Variants in ARAP1 observed in about 807,000 individuals in gnomAD.
The protein encoded by ARAP1 is ArfGAP with RhoGAP domain, ankyrin repeat and PH domain 1.
In ARAP1, 76 loss-of-function variants were observed where a neutral mutation model predicts 172.2. The observed-to-expected ratio is 0.44, with a 90% CI of 0.37 to 0.53. The LOEUF is 0.53. ARAP1 is among the 20% of genes least tolerant of loss of function. The pLI is 0.00. For missense variants in ARAP1, 1,686 were observed against 1,977.5 expected, an observed-to-expected ratio of 0.85 and a Z score of 2.80; for synonymous variants, 804 against 803.3, an observed-to-expected ratio of 1.00 and a Z score of -0.01.
chr11:72,729,582 T>C (rs550801139), intron 2 of ARAP1, among the ~76,000 whole-genome samples: 1 of 146,966 alleles, frequency 6.8e-6, no homozygotes, highest in East Asian at 2.0e-4. Context: ...GAGACTCCAC[T>C]TCAGAAAAAA....
intron 7 of ARAP1, among the ~76,000 whole-genome samples, 162 bp downstream of exon 7, chr11:72,712,034 G>A (rs1857036632): frequency 6.6e-6 from 1 of 152,160 alleles, no homozygotes. Context: ...GGTCTGGAGG[G>A]AATCATCAGT....
At position 72,693,572 on chromosome 11, in the gene ARAP1, A is replaced by G; in HGVS notation, c.3809-102T>C. The G allele has an allele frequency of 6.5e-7, 1 of 1,544,782 alleles. No homozygotes were observed. The highest frequency in any genetic ancestry group is 8.8e-7 in the Non-Finnish European group (1 of 1,141,864). ...CCCCATCCTGCCCCAGCCTCTCCATAGAGGCCCACCCACTTGGCGCCCTCT... is the reference window on the plus strand; with the variant it reads ...CCCCATCCTGCCCCAGCCTCTCCATGGAGGCCCACCCACTTGGCGCCCTCT... On this transcript the variant is annotated intron_variant, in intron 28 of 34. Transcript: ENST00000393609. This position sits in a 1 kb window ranked among gnomAD's most constrained non-coding sequence, Gnocchi z 4.6.
rs952199639 is a variant in ARAP1, at chr11:72,725,342, C to G, written c.509+1278G>C. Among the ~76,000 whole-genome samples, 1 of 150,890 alleles carries G rather than the reference C, an allele frequency of 6.6e-6. No homozygotes were observed. The highest frequency in any genetic ancestry group is 2.4e-5 in the African/African-American group (1 of 41,300). On this transcript the variant is annotated intron_variant, in intron 3 of 34. Transcript: ENST00000393609. The surrounding 1 kb of genome is among the most constrained non-coding windows in gnomAD (Gnocchi z 4.3). ...TCTTTTTCTCTCTCTCTCTCCCCCC[C>G]ACAAGCTGATGGGGTTGAAATAGAA...
At chr11:72,738,633 G>C (rs368939874) in intron 1 of ARAP1, among the ~76,000 whole-genome samples, 35 of 152,134 alleles carry the variant, frequency 2.3e-4, no homozygotes, top group Middle Eastern at 6.8e-3. Flanking sequence ...AGGCAGGCAG[G>C]GCAGCGACCC....
chr11:72,750,761 G>A (rs1448966238), intron 1 of ARAP1, among the ~76,000 whole-genome samples: 1 of 148,322 alleles, frequency 6.7e-6, no homozygotes, highest in African/African-American at 2.4e-5. Flanking sequence ...CGGGGCCCCA[G>A]GTCCCATGAT....
chr11:72,739,688 A>G (rs1858143933), intron 1 of ARAP1, among the ~76,000 whole-genome samples: 1 of 152,178 alleles, frequency 6.6e-6, no homozygotes, highest in Non-Finnish European at 1.5e-5. Context: ...ACGCCACCGC[A>G]TGTGTACTGG....
intron 2 of ARAP1, among the ~76,000 whole-genome samples, chr11:72,731,058 T>C (rs1260696648): frequency 6.6e-6 from 1 of 152,174 alleles, no homozygotes; most frequent in Non-Finnish European, 1.5e-5. Flanking sequence ...AGTGTGCAGC[T>C]ACTGGTAAAT....
Position 72,701,640 on chromosome 11 carries a change from G to A in ARAP1, c.2302+9C>T. 6.2e-7 allele frequency: 1 copy of A among 1,611,410 alleles called. No individual in the cohort carries two copies. The highest frequency in any genetic ancestry group is 8.5e-7 in the Non-Finnish European group (1 of 1,178,956). On this transcript the variant is annotated intron_variant, in intron 16 of 34. Transcript: ENST00000393609. ...CATGGGCTAAAGCAGAGTCTGGGGT[G>A]GCACCCACCTTCCCGGGCCCGGCGG...
chr11:72,740,813 C>T (rs566623540), intron 1 of ARAP1, among the ~76,000 whole-genome samples: 20 of 152,252 alleles, frequency 1.3e-4, no homozygotes, highest in Middle Eastern at 3.4e-3. Flanking sequence ...AAACTCGAGA[C>T]GCCAGGGTCC....
chr11:72,750,692 G>A (rs1858507819), intron 1 of ARAP1, among the ~76,000 whole-genome samples: 1 of 152,218 alleles, frequency 6.6e-6, no homozygotes, highest in Non-Finnish European at 1.5e-5. Context: ...GGAAATGGAG[G>A]CTCTGAGGAA....
intron 30 of ARAP1, among the ~76,000 whole-genome samples, chr11:72,689,703 C>T (rs186442154): frequency 3.9e-5 from 6 of 152,308 alleles, no homozygotes; most frequent in East Asian, 1.9e-4. Context: ...GCTTTTACCC[C>T]GATACCTGCT....
At chr11:72,702,124 C>T (rs1856515091) in intron 15 of ARAP1, among the ~76,000 whole-genome samples, 1 of 152,228 alleles carries the variant, frequency 6.6e-6, no homozygotes, top group Non-Finnish European at 1.5e-5. Flanking sequence ...AATAATAATC[C>T]CTGGAAAGAG....
chr11:72,715,670 A>T (rs983067037), intron 3 of ARAP1, among the ~76,000 whole-genome samples: 11 of 151,214 alleles, frequency 7.3e-5, no homozygotes, highest in African/African-American at 2.7e-4. Flanking sequence ...TCCCGAGTTC[A>T]AGTGATCCTC....
In ARAP1 at chr11:72,695,332, G is replaced by A; in HGVS notation, c.3576+55C>T. 5.0e-6 allele frequency: 8 copies of A among 1,610,088 alleles called. No individual in the cohort carries two copies. Among genetic ancestry groups the A allele is most frequent in the Non-Finnish European group, 6.8e-6 (8 of 1,176,854 alleles). ...ACTGCTCCCCTGGCCATCTGAGCCT[G>A]TACCTGGCCCAGCCTGATTCTCTAG... On this transcript the variant is annotated intron_variant, in intron 26 of 34. Coordinates refer to ENST00000393609, the MANE Select transcript of ARAP1 (RefSeq NM_001040118.3). This position sits in a 1 kb window ranked among gnomAD's most constrained non-coding sequence, Gnocchi z 4.4.
In ARAP1 at chr11:72,725,116, C is replaced by T. The variant is rs971455592; in HGVS notation, c.509+1504G>A. 3.3e-5 allele frequency among the ~76,000 whole-genome samples: 5 copies of T among 152,134 alleles called. No homozygotes were observed. Among genetic ancestry groups the T allele is most frequent in the African/African-American group, 9.7e-5 (4 of 41,404 alleles). Reference sequence around the variant, plus strand: ...TCAGAGTCACAAAGCTAGCTGGGCCCGACCCAGGCATCCTGCCTCCCAAGC... The same window carrying T: ...TCAGAGTCACAAAGCTAGCTGGGCCTGACCCAGGCATCCTGCCTCCCAAGC... On this transcript the variant is annotated intron_variant, in intron 3 of 34. Coordinates refer to ENST00000393609, the MANE Select transcript of ARAP1 (RefSeq NM_001040118.3). This position sits in a 1 kb window ranked among gnomAD's most constrained non-coding sequence, Gnocchi z 4.3.
rs1855624498 is a variant in ARAP1 at position 72,685,275 on chromosome 11, C to G, written c.*389G>C. 2 of 267,226 alleles carry G rather than the reference C, an allele frequency of 7.5e-6. No homozygotes were observed. The highest frequency in any genetic ancestry group is 9.2e-5 in the South Asian group (2 of 21,794). The allele number at this position is 267,226 out of a possible 1,614,324, so 16.6% of individuals were successfully genotyped here. On this transcript the variant is annotated 3_prime_UTR_variant, in exon 35 of 35. Coordinates refer to ENST00000393609, the MANE Select transcript of ARAP1 (RefSeq NM_001040118.3). ...TCTACAGCACCCGCTTTCTGCTGTT[C>G]TGGAGTTTGTTGGGAGGAGCAGGGG...
At chr11:72,690,062 G>A (rs1194541223) in intron 30 of ARAP1, among the ~76,000 whole-genome samples, 1 of 152,192 alleles carries the variant, frequency 6.6e-6, no homozygotes, top group Non-Finnish European at 1.5e-5. Context: ...TGGGTATGAG[G>A]AAGGATGTGG....
Position 72,727,011 on chromosome 11 carries a change from C to G in ARAP1, c.118G>C (p.Gly40Arg). 1 of 1,608,642 alleles carries G rather than the reference C, an allele frequency of 6.2e-7. No individual in the cohort carries two copies. Among genetic ancestry groups the G allele is most frequent in the Non-Finnish European group, 8.5e-7 (1 of 1,177,882 alleles). ...TCCATCAGGCGGGTGTCGCTGAGGCCTTGGCACTCAGTGGCCCACACCAGG... is the reference window on the plus strand; with the variant it reads ...TCCATCAGGCGGGTGTCGCTGAGGCGTTGGCACTCAGTGGCCCACACCAGG... ...HGLVWATECQ[G>R]LSDTRLMDMG... The change falls in exon 3 of 35, where the codon GGC (glycine) becomes CGC (arginine). Residue 40 changes from glycine to arginine, a missense_variant. By Grantham distance (125) the Gly-to-Arg change is moderately radical. Coordinates refer to ENST00000393609, the MANE Select transcript of ARAP1 (RefSeq NM_001040118.3).
chr11:72,750,004 G>A lies in ARAP1; in HGVS notation c.-128+2324C>T, dbSNP rs537116367. ...CCCTCATCTCTAGCTCTTGGCCTCA[G>A]TTTCCCCATCTGTGAAAGAAGCTTT... On this transcript the variant is annotated intron_variant, in intron 1 of 34. Transcript: ENST00000393609. Among the ~76,000 whole-genome samples the A allele has an allele frequency of 7.0e-4, 106 of 152,278 alleles. 1 individual carries two copies. The South Asian group carries it at 0.021, about 31-fold the overall frequency.
Sources: gnomAD v4.1 joint callset for allele counts (sites outside exome capture counted in the v4.1 genomes callset) on GRCh38, gnomAD v4.1.1 for gene constraint, Gnocchi (gnomAD v3.1) non-coding constraint, MANE v1.5 for transcripts, NCBI Gene and HGNC (gene_info 2026-07-23, HGNC 2026-07-21) for gene names.